The following LRIG1 variants were observed in gnomAD, a reference collection of about 807,000 sequenced individuals.
LRIG1 encodes the protein leucine rich repeats and immunoglobulin like domains 1.
Under a neutral mutation model 99.2 loss-of-function variants are expected in LRIG1, and 48 were observed. The observed-to-expected ratio is 0.48, with a 90% confidence interval of 0.38 to 0.62. The LOEUF is 0.62. Among genes scored for constraint, LRIG1 ranks in the 20% least tolerant of loss-of-function variants. The pLI, the probability that LRIG1 is intolerant of heterozygous loss-of-function variation, is 0.00. For missense variants in LRIG1, 1,646 were observed against 1,434.4 expected, an observed-to-expected ratio of 1.15 and a Z score of -2.38; for synonymous variants, 772 against 596.1, an observed-to-expected ratio of 1.29 and a Z score of -4.30.
chr3:66,383,898 C>G, intron 14 of LRIG1, 93 bp downstream of exon 14: 2 of 1,507,942 alleles, frequency 1.3e-6, no homozygotes, highest in Admixed American at 2.1e-5. Flanking sequence ...AGGCCCACAA[C>G]GCATACCACC....
At chr3:66,482,841 T>C (rs79749743) in intron 1 of LRIG1, among the ~76,000 whole-genome samples, 3,398 of 152,286 alleles carry the variant, frequency 0.022, 54 homozygotes, top group Middle Eastern at 0.051. Flanking sequence ...ATTCAAGATA[T>C]TGAGTCTTTA....
At chr3:66,406,253 G>T (rs1264632227) in intron 8 of LRIG1, 5 of 985,346 alleles carry the variant, frequency 5.1e-6, no homozygotes, top group Non-Finnish European at 6.0e-6. Flanking sequence ...CTCTCAATGG[G>T]TTCCTTCCTA....
chr3:66,481,569 TTAAG>T (rs1403134607), intron 1 of LRIG1, among the ~76,000 whole-genome samples: 1 of 151,956 alleles, frequency 6.6e-6, no homozygotes, highest in Non-Finnish European at 1.5e-5. Flanking sequence ...GCACACAGAA[TTAAG>T]TATTTCAAAA....
intron 3 of LRIG1, among the ~76,000 whole-genome samples, chr3:66,438,999 C>A (rs1371826067): frequency 2.6e-5 from 4 of 152,242 alleles, no homozygotes; most frequent in Non-Finnish European, 5.9e-5. Context: ...TGAAGACAGG[C>A]ACTGGGCTCT....
At chr3:66,381,416 G>A (rs1008895784) in intron 17 of LRIG1, 63 bp downstream of exon 17, 4 of 1,536,084 alleles carry the variant, frequency 2.6e-6, no homozygotes, top group South Asian at 1.2e-5. Context: ...TTGATGTAGT[G>A]ACTAGGTCAG....
intron 9 of LRIG1, chr3:66,401,686 G>A (rs1191758415): frequency 2.0e-6 from 3 of 1,526,084 alleles, no homozygotes; most frequent in Non-Finnish European, 2.6e-6. Flanking sequence ...AAAGGCTGCT[G>A]CCAGGAGAAA....
intron 1 of LRIG1, among the ~76,000 whole-genome samples, chr3:66,467,357 A>ATTTTTT (rs11360909): frequency 1.0e-5 from 1 of 99,952 alleles, no homozygotes; most frequent in African/African-American, 3.6e-5. Context: ...CACACTAGCT[A>ATTTTTT]TTTTTTTTTT....
At chr3:66,427,665 T>C (rs888233247) in intron 3 of LRIG1, among the ~76,000 whole-genome samples, 16 of 152,216 alleles carry the variant, frequency 1.1e-4, no homozygotes, top group Admixed American at 6.5e-5. Context: ...ATTGCAGCAC[T>C]ATCAGACAGG....
intron 3 of LRIG1, among the ~76,000 whole-genome samples, chr3:66,443,109 A>T (rs1222448475): frequency 6.6e-6 from 1 of 152,100 alleles, no homozygotes; most frequent in Non-Finnish European, 1.5e-5. Flanking sequence ...AGTCTGCACT[A>T]CGGAATCCCT....
chr3:66,416,995 C>T (rs1162795905), intron 4 of LRIG1, 134 bp downstream of exon 4: 5 of 1,178,978 alleles, frequency 4.2e-6, no homozygotes, highest in South Asian at 1.4e-5. Flanking sequence ...CTGAACCATC[C>T]CCACTGACTC....
rs536605566 is a variant in LRIG1, at chr3:66,394,255, A to G, written c.1305-52T>C. 45 of 1,458,320 alleles carry G rather than the reference A, an allele frequency of 3.1e-5. No individual in the cohort carries two copies. In the African/African-American group the frequency reaches 5.1e-4, roughly 17 times the overall value. 90.3% of individuals were successfully genotyped at this position (1,458,320 alleles called of 1,614,324 possible). A position where few individuals can be genotyped will look rare whatever the true frequency, so the allele number is the denominator to read the frequency against. ...TCAGGTGCAGCCGCAAAGGAGGGACACTCCCTTCACACACACAATGATCAG... is the reference window on the plus strand; with the variant it reads ...TCAGGTGCAGCCGCAAAGGAGGGACGCTCCCTTCACACACACAATGATCAG... On this transcript the variant is annotated intron_variant, in intron 11 of 18. Transcript: ENST00000273261.
chr3:66,421,515 G>A (rs760731485), intron 3 of LRIG1, among the ~76,000 whole-genome samples: 4 of 152,180 alleles, frequency 2.6e-5, no homozygotes, highest in Admixed American at 1.3e-4. Context: ...TCACGCTGAT[G>A]CAAGACGTGG....
intron 12 of LRIG1, among the ~76,000 whole-genome samples, chr3:66,391,977 C>T (rs1400380390): frequency 6.6e-6 from 1 of 152,204 alleles, no homozygotes. Context: ...CCCTCCCCAT[C>T]CTTAAACTAC....
chr3:66,418,302 C>A (rs1180481483), intron 3 of LRIG1, among the ~76,000 whole-genome samples: 1 of 152,138 alleles, frequency 6.6e-6, no homozygotes, highest in Non-Finnish European at 1.5e-5. Context: ...ACCGTGTTGG[C>A]CAGGATGGTC....
intron 1 of LRIG1, among the ~76,000 whole-genome samples, chr3:66,498,579 A>C (rs1258884387): frequency 2.0e-5 from 3 of 152,006 alleles, no homozygotes; most frequent in Non-Finnish European, 4.4e-5. Context: ...AAAAAAAAAA[A>C]AACTACCGTA....
intron 8 of LRIG1, among the ~76,000 whole-genome samples, 157 bp from the exon 9 acceptor site, chr3:66,405,435 G>C (rs1356374302): frequency 6.6e-6 from 1 of 152,182 alleles, no homozygotes; most frequent in Non-Finnish European, 1.5e-5. Context: ...GGCCCTGGGA[G>C]GGAAGCCCTG....
Position 66,500,299 on chromosome 3 carries a change from G to C in LRIG1, c.109C>G (p.Pro37Ala). The change falls in exon 1 of 19, where the codon CCG becomes GCG. Residue 37 changes from proline (P) to alanine (A), a missense_variant. Transcript: ENST00000273261. Reference sequence around the variant, plus strand: ...CAGGCGGCCGCGCAGGGCGCCCGCGGGCCGGCCGCGGCGGTCACCGGCTCC... The same window carrying C: ...CAGGCGGCCGCGCAGGGCGCCCGCGCGCCGGCCGCGGCGGTCACCGGCTCC... ...RLEPVTAAAG[P>A]RAPCAAACTC... 6.8e-7 allele frequency: 1 copy of C among 1,473,856 alleles called. No homozygotes were observed. Among genetic ancestry groups the C allele is most frequent in the Non-Finnish European group, 8.9e-7 (1 of 1,117,466 alleles). The allele number at this position is 1,473,856 out of a possible 1,614,324, so 91.3% of individuals were successfully genotyped here.
chr3:66,447,120 T>C (rs1703757281), intron 3 of LRIG1, among the ~76,000 whole-genome samples: 1 of 152,156 alleles, frequency 6.6e-6, no homozygotes, highest in South Asian at 2.1e-4. Flanking sequence ...ATATTTATGG[T>C]GTACAAGAGC....
At chr3:66,448,565 A>G (rs1703798827) in intron 3 of LRIG1, among the ~76,000 whole-genome samples, 1 of 152,180 alleles carries the variant, frequency 6.6e-6, no homozygotes, top group African/African-American at 2.4e-5. Flanking sequence ...CATCTGCTTC[A>G]ACTTCCTCAT....
Sources: allele counts gnomAD v4.1 joint callset (sites outside exome capture counted in the v4.1 genomes callset), GRCh38; gene constraint gnomAD v4.1.1; transcripts MANE v1.5; gene names NCBI Gene and HGNC (gene_info 2026-07-23, HGNC 2026-07-21).